The following SPTB variants were observed in gnomAD, a reference collection of about 807,000 sequenced individuals.
SPTB encodes spectrin beta, erythrocytic, also known as spectrin beta chain, erythrocytic.
Under a neutral mutation model 256.2 loss-of-function variants are expected in SPTB, and 45 were observed. That is an observed-to-expected ratio of 0.18 (90% CI 0.14 to 0.23). The LOEUF is 0.23. SPTB is among the 10% of genes least tolerant of loss of function. SPTB has a pLI of 1.00. For missense variants in SPTB, 2,715 were observed against 3,040.4 expected (o/e 0.89, Z 2.52); for synonymous variants, 1,231 against 1,243.1 (o/e 0.99, Z 0.21).
intron 1 of SPTB, among the ~76,000 whole-genome samples, chr14:64,840,713 CACTT>C (rs2139750839): frequency 6.6e-6 from 1 of 152,318 alleles, no homozygotes; most frequent in Non-Finnish European, 1.5e-5. Context: ...CATCCCCACA[CACTT>C]ACTGAGCTCC....
At position 64,802,075 on chromosome 14, in the gene SPTB, A is replaced by G. The variant is rs1365324561; in HGVS notation, c.566+151T>C. 3.3e-6 allele frequency: 3 copies of G among 907,692 alleles called. No individual in the cohort carries two copies. The highest frequency in any genetic ancestry group is 5.3e-6 in the Non-Finnish European group (3 of 562,252). 56.2% of individuals were successfully genotyped at this position (907,692 alleles called of 1,614,324 possible). A position where few individuals can be genotyped will look rare whatever the true frequency, so the allele number is the denominator to read the frequency against. On this transcript the variant is annotated intron_variant, in intron 5 of 35. Coordinates refer to ENST00000644917, the MANE Select transcript of SPTB (RefSeq NM_001355436.2). The surrounding 1 kb of genome is among the most constrained non-coding windows in gnomAD (Gnocchi z 5.1). ...AAAGAATCCTGTATTCCAGGCCTCA[A>G]AGAATCAGGTCAGGACAGACTTTGC...
chr14:64,794,255 G>A (rs2082726928), intron 13 of SPTB, among the ~76,000 whole-genome samples: 1 of 152,144 alleles, frequency 6.6e-6, no homozygotes, highest in African/African-American at 2.4e-5. Flanking sequence ...AAGGACAGAG[G>A]GTGCCTCCTT....
At chr14:64,822,374 T>TCTCACACA (rs1365655327) in intron 2 of SPTB, among the ~76,000 whole-genome samples, 1 of 1,016 alleles carries the variant, frequency 9.8e-4, no homozygotes, top group Non-Finnish European at 1.6e-3. Context: ...TCTCTCTCTC[T>TCTCACACA]CACACACACA....
At chr14:64,859,694 G>GTCTCTCTCTC (rs139838497) in intron 1 of SPTB, among the ~76,000 whole-genome samples, 1 of 52,894 alleles carries the variant, frequency 1.9e-5, no homozygotes, top group South Asian at 5.3e-4. Context: ...CTCTCTCTCT[G>GTCTCTCTCTC]TCTCTCTCTC....
chr14:64,839,331 C>T (rs2083571249), intron 1 of SPTB, among the ~76,000 whole-genome samples: 1 of 152,154 alleles, frequency 6.6e-6, no homozygotes, highest in Non-Finnish European at 1.5e-5. Context: ...ACTCAACAGG[C>T]TGCTCACTGT....
intron 8 of SPTB, 138 bp downstream of exon 8, chr14:64,800,618 G>T: frequency 1.3e-6 from 1 of 772,556 alleles, no homozygotes; most frequent in Non-Finnish European, 2.3e-6. Context: ...CATCAATGTT[G>T]CCAAGGTCAG....
intron 1 of SPTB, among the ~76,000 whole-genome samples, chr14:64,837,228 A>G (rs1329214669): frequency 6.6e-6 from 1 of 152,228 alleles, no homozygotes; most frequent in Admixed American, 6.5e-5. Flanking sequence ...TGGCCTCTTC[A>G]TAACCAAGAG....
chr14:64,749,751 C>T lies in SPTB; in HGVS notation c.6777-55G>A. On this transcript the variant is annotated intron_variant, in intron 34 of 35. Coordinates refer to ENST00000644917, the MANE Select transcript of SPTB (RefSeq NM_001355436.2). This position sits in a 1 kb window ranked among gnomAD's most constrained non-coding sequence, Gnocchi z 4.7. The stretch of plus-strand genomic sequence containing the variant: ...AGACACCTCTGGAGGGGGCGCTGGG[C>T]AGAGGGCTGGCTCTGATCCCACAAT... 6.3e-7 allele frequency: 1 copy of T among 1,597,638 alleles called. No individual in the cohort carries two copies. Among genetic ancestry groups the T allele is most frequent in the Non-Finnish European group, 8.5e-7 (1 of 1,170,930 alleles).
chr14:64,853,539 G>A lies in SPTB; in HGVS notation c.-52+26253C>T, dbSNP rs529844946. On this transcript the variant is annotated intron_variant, in intron 1 of 35. Transcript: ENST00000644917. The surrounding 1 kb of genome is among the most constrained non-coding windows in gnomAD (Gnocchi z 4.3). The stretch of plus-strand genomic sequence containing the variant: ...AGGGAGAACAGTTTCAGTAGGGCAC[G>A]GGGACAAGAACCCATGGCAGCAGGG... Among the ~76,000 whole-genome samples the A allele has an allele frequency of 6.6e-4, 100 of 152,292 alleles. No individual in the cohort carries two copies. Among genetic ancestry groups the A allele is most frequent in the African/African-American group, 1.2e-3 (51 of 41,556 alleles).
chr14:64,765,825 TGTGTGTGTGTGGG>T, intron 32 of SPTB, among the ~76,000 whole-genome samples: 1 of 139,834 alleles, frequency 7.2e-6, no homozygotes, highest in African/African-American at 2.9e-5. Context: ...TGTGTGAGTG[TGTGTGTGTGTGGG>T]GGTGTGGTGT....
Position 64,844,700 on chromosome 14 carries a change from A to AT in SPTB, c.-51-21556dup, listed in dbSNP as rs1487286091. ...TGAAAAGTAACATGAAGAAGAGGCT[A>AT]TGACTTCCCAAAAACACCTACTCTT... is the stretch of plus-strand genomic sequence containing the variant. On this transcript the variant is annotated intron_variant, in intron 1 of 35. Transcript: ENST00000644917. This position sits in a 1 kb window ranked among gnomAD's most constrained non-coding sequence, Gnocchi z 4.1. Among the ~76,000 whole-genome samples the AT allele has an allele frequency of 6.6e-6, 1 of 152,226 alleles. No homozygotes were observed. The highest frequency in any genetic ancestry group is 6.5e-5 in the Admixed American group (1 of 15,284).
At position 64,749,743 on chromosome 14, in the gene SPTB, G is replaced by T. The variant is rs779638446; in HGVS notation, c.6777-47C>A. 1.2e-6 allele frequency: 2 copies of T among 1,604,022 alleles called. No individual in the cohort carries two copies. The highest frequency in any genetic ancestry group is 3.4e-5 in the Admixed American group (2 of 58,568). On this transcript the variant is annotated intron_variant, in intron 34 of 35. Transcript: ENST00000644917. This position sits in a 1 kb window ranked among gnomAD's most constrained non-coding sequence, Gnocchi z 4.7. ...TGTCATGGAGACACCTCTGGAGGGG[G>T]CGCTGGGCAGAGGGCTGGCTCTGAT...
chr14:64,759,725 C>T lies in SPTB; in HGVS notation c.6346-5932G>A, dbSNP rs558087113. Among the ~76,000 whole-genome samples, 1 of 152,342 alleles carries T rather than the reference C, an allele frequency of 6.6e-6. No individual in the cohort carries two copies. The highest frequency in any genetic ancestry group is 6.5e-5 in the Admixed American group (1 of 15,302). On this transcript the variant is annotated intron_variant, in intron 32 of 35. Transcript: ENST00000644917. This position sits in a 1 kb window ranked among gnomAD's most constrained non-coding sequence, Gnocchi z 4.8. ...TAAGGCAGGGGCTGCTGCTGGAGTC[C>T]TCAGGTCATCAGGAAGATGCAGATT... is the stretch of plus-strand genomic sequence containing the variant.
chr14:64,821,422 G>C (rs2139694410), intron 2 of SPTB, among the ~76,000 whole-genome samples: 2 of 152,148 alleles, frequency 1.3e-5, no homozygotes, highest in South Asian at 4.1e-4. Context: ...TCTTAAAAAA[G>C]ATAAAAGAAT....
At chr14:64,870,356 G>C (rs1023797190) in intron 1 of SPTB, among the ~76,000 whole-genome samples, 1 of 151,036 alleles carries the variant, frequency 6.6e-6, no homozygotes, top group African/African-American at 2.4e-5. Flanking sequence ...CTTCACCCAA[G>C]GGCAAACAGC....
chr14:64,803,131 G>C (rs1344350005), intron 4 of SPTB, among the ~76,000 whole-genome samples: 1 of 152,060 alleles, frequency 6.6e-6, no homozygotes, highest in Non-Finnish European at 1.5e-5. Context: ...CAAACCAGCA[G>C]GTGCAAGACC....
intron 1 of SPTB, among the ~76,000 whole-genome samples, chr14:64,865,880 C>T (rs1040848440): frequency 6.6e-6 from 1 of 152,162 alleles, no homozygotes; most frequent in African/African-American, 2.4e-5. Flanking sequence ...CACTTCACAC[C>T]GTAAAGAACC....
chr14:64,780,527 C>T lies in SPTB; in HGVS notation c.4267-596G>A, dbSNP rs531355028. ...CTGCTGGGTTCAAGTGATTCTCCTG[C>T]CTCAGCCTCCAGAGTAGCTGGGATC... On this transcript the variant is annotated intron_variant, in intron 20 of 35. Transcript: ENST00000644917. 2.0e-5 allele frequency among the ~76,000 whole-genome samples: 3 copies of T among 152,328 alleles called. No homozygotes were observed. The South Asian group carries it at 6.2e-4, about 32-fold the overall frequency.
At chr14:64,876,800 C>G (rs1229374983) in intron 1 of SPTB, among the ~76,000 whole-genome samples, 2 of 152,182 alleles carry the variant, frequency 1.3e-5, no homozygotes, top group Non-Finnish European at 2.9e-5. Context: ...CACATCCTCT[C>G]ATAATCTCCT....
Sources: gnomAD v4.1 joint callset for allele counts (sites outside exome capture counted in the v4.1 genomes callset) on GRCh38, gnomAD v4.1.1 for gene constraint, Gnocchi (gnomAD v3.1) non-coding constraint, MANE v1.5 for transcripts, NCBI Gene and HGNC (gene_info 2026-07-23, HGNC 2026-07-21) for gene names.